The following FHL1 variants were observed in gnomAD, a reference collection of about 807,000 sequenced individuals.
FHL1 encodes the protein four and a half LIM domains 1.
A neutral mutation model predicts 20.3 loss-of-function variants in FHL1; 1 was observed. The observed-to-expected ratio is 0.05, with a 90% CI of 0.02 to 0.23. The LOEUF (loss-of-function observed/expected upper bound fraction) is 0.23, where lower values mean the gene tolerates loss of function less well. Ranked by LOEUF, FHL1 falls within the 10% of genes least tolerant of loss-of-function variation. The pLI is 1.00. For missense variants in FHL1, 177 were observed against 234.0 expected (o/e 0.76, Z 1.59); for synonymous variants, 82 against 88.9 (o/e 0.92, Z 0.44).
At position 136,208,309 on chromosome X, in the gene FHL1, T is replaced by A; in HGVS notation, c.550-146T>A. The A allele has an allele frequency of 1.2e-5, 8 of 641,582 alleles. No homozygotes were observed. In the South Asian group the frequency reaches 1.7e-4, roughly 14 times the overall value. The allele number at this position is 641,582 out of a possible 1,213,427, so 52.9% of individuals were successfully genotyped here. On this transcript the variant is annotated intron_variant, in intron 4 of 5. Transcript: ENST00000370683. ...GGTGTCTTCATCTGTAAAGTGGGGATAATAATAGCCCCTGCCTCCCATGGC... is the reference window on the plus strand; with the variant it reads ...GGTGTCTTCATCTGTAAAGTGGGGAAAATAATAGCCCCTGCCTCCCATGGC...
At chrX:136,159,837 GGCC>G (rs2072518905) in intron 1 of FHL1, among the ~76,000 whole-genome samples, 4 of 111,897 alleles carry the variant, frequency 3.6e-5, no homozygotes, top group Admixed American at 9.5e-5. Context: ...CAACCCAGTG[GGCC>G]CTCTTTTGAC....
At chrX:136,205,590 CA>C (rs1410746679) in intron 1 of FHL1, among the ~76,000 whole-genome samples, 1 of 111,758 alleles carries the variant, frequency 8.9e-6, no homozygotes. Context: ...GCTCTGGCCT[CA>C]AAAGGCAGTA....
At chrX:136,197,566 A>G (rs2073590593) in intron 1 of FHL1, among the ~76,000 whole-genome samples, 1 of 112,533 alleles carries the variant, frequency 8.9e-6, no homozygotes, top group African/African-American at 3.2e-5. Context: ...ATTTGTAACT[A>G]AGAAAGTCCA....
intron 1 of FHL1, chrX:136,169,872 T>C (rs1013505550): frequency 3.0e-6 from 1 of 331,238 alleles, no homozygotes; most frequent in East Asian, 9.7e-5. Context: ...AAAGGTAACT[T>C]TGCCTCTTGA....
intron 2 of FHL1, among the ~76,000 whole-genome samples, chrX:136,180,258 T>C (rs1330721652): frequency 8.9e-6 from 1 of 112,256 alleles, no homozygotes; most frequent in East Asian, 2.8e-4. Flanking sequence ...TGTTGAAATT[T>C]GGAAAGCCAG....
At chrX:136,180,396 G>A (rs924014669) in intron 2 of FHL1, among the ~76,000 whole-genome samples, 3 of 111,759 alleles carry the variant, frequency 2.7e-5, no homozygotes, top group African/African-American at 9.7e-5. Flanking sequence ...AAGGAGTGGG[G>A]AAGAGATTCA....
rs1171631801 is a variant in FHL1 at position 136,210,083 on chromosome X, A to G, written c.*58A>G. ...TTTGAATCTCGTTCTTTGTGTCCTTACTTTCTGCCCTATACCATCAATAGG... is the reference window on the plus strand; with the variant it reads ...TTTGAATCTCGTTCTTTGTGTCCTTGCTTTCTGCCCTATACCATCAATAGG... On this transcript the variant is annotated 3_prime_UTR_variant, in exon 6 of 6. Transcript: ENST00000370683. 2 of 1,197,647 alleles carry G rather than the reference A, an allele frequency of 1.7e-6. No individual in the cohort carries two copies. Among genetic ancestry groups the G allele is most frequent in the South Asian group, 3.5e-5 (2 of 56,655 alleles).
At chrX:136,186,388 G>T (rs1357972931) in intron 2 of FHL1, among the ~76,000 whole-genome samples, 5 of 110,785 alleles carry the variant, frequency 4.5e-5, no homozygotes, top group African/African-American at 1.6e-4. Context: ...AACTTTGGTG[G>T]GTGCTCCCTC....
At chrX:136,195,894 G>A (rs1015291517), upstream of FHL1, among the ~76,000 whole-genome samples, 2 of 111,871 alleles carry the variant, frequency 1.8e-5, no homozygotes, top group Non-Finnish European at 3.8e-5. Context: ...AAGTTGAGTG[G>A]CCAAAACCAC....
upstream of FHL1, among the ~76,000 whole-genome samples, chrX:136,193,470 C>T (rs1033326312): frequency 1.1e-4 from 12 of 111,881 alleles, no homozygotes; most frequent in Admixed American, 9.5e-5. Context: ...TGTTCTCTCT[C>T]GCTCCTTGAT....
At chrX:136,179,977 C>T (rs942260258) in intron 2 of FHL1, among the ~76,000 whole-genome samples, 3 of 111,716 alleles carry the variant, frequency 2.7e-5, no homozygotes, top group African/African-American at 6.5e-5. Context: ...TTTCAGAGTA[C>T]GCTGAAGGCA....
intron 2 of FHL1, among the ~76,000 whole-genome samples, chrX:136,187,854 A>G (rs1219889005): frequency 8.9e-6 from 1 of 112,136 alleles, no homozygotes; most frequent in Non-Finnish European, 1.9e-5. Flanking sequence ...TTTATGATAT[A>G]TAAATTATTT....
chrX:136,166,565 G>T (rs1053133862), upstream of FHL1, among the ~76,000 whole-genome samples: 1 of 111,868 alleles, frequency 8.9e-6, no homozygotes, highest in African/African-American at 3.3e-5. Flanking sequence ...TTGGCAAGGT[G>T]GGAATCTTAG....
At chrX:136,186,866 ATAT>A (rs1221744935) in intron 2 of FHL1, among the ~76,000 whole-genome samples, 4 of 70,246 alleles carry the variant, frequency 5.7e-5, no homozygotes, top group African/African-American at 1.5e-4. Flanking sequence ...AAAAAAAAAA[ATAT>A]ATATATATAT....
intron 2 of FHL1, among the ~76,000 whole-genome samples, chrX:136,184,501 A>G (rs2073239426): frequency 8.9e-6 from 1 of 112,178 alleles, no homozygotes; most frequent in African/African-American, 3.2e-5. Context: ...ATAATTAAAT[A>G]TTAACTAAAT....
At chrX:136,147,224 G>A (rs2072116656), upstream of FHL1, among the ~76,000 whole-genome samples, 1 of 108,402 alleles carries the variant, frequency 9.2e-6, no homozygotes, top group Non-Finnish European at 1.9e-5. Context: ...CTGCCACCGC[G>A]TCCCCGCAGC....
chrX:136,204,168 A>G (rs955144956), intron 1 of FHL1, among the ~76,000 whole-genome samples: 8 of 112,854 alleles, frequency 7.1e-5, no homozygotes, highest in African/African-American at 2.6e-4. Context: ...GCCAAATGGC[A>G]TTTAGGAGCA....
At chrX:136,194,715 G>A (rs1367036456), upstream of FHL1, among the ~76,000 whole-genome samples, 1 of 111,933 alleles carries the variant, frequency 8.9e-6, no homozygotes, top group Non-Finnish European at 1.9e-5. Context: ...AATGAAACCC[G>A]TGACTCCAGG....
chrX:136,176,784 G>A (rs1174833386), intron 2 of FHL1, among the ~76,000 whole-genome samples: 1 of 111,396 alleles, frequency 9.0e-6, no homozygotes, highest in Non-Finnish European at 1.9e-5. Flanking sequence ...CTAAATCTGG[G>A]TCTGGGATTT....
Sources: allele counts gnomAD v4.1 joint callset (sites outside exome capture counted in the v4.1 genomes callset), GRCh38; gene constraint gnomAD v4.1.1; transcripts MANE v1.5; gene names NCBI Gene and HGNC (gene_info 2026-07-23, HGNC 2026-07-21).